TRAPPC9: variants seen among roughly 807,000 people sequenced by gnomAD.
TRAPPC9 encodes the protein trafficking protein particle complex subunit 9.
A neutral mutation model predicts 124.0 loss-of-function variants in TRAPPC9; 83 were observed. The ratio of observed to expected loss-of-function variants is 0.67; its 90% confidence interval spans 0.56 to 0.80. The LOEUF is 0.80. Ranked by LOEUF, TRAPPC9 falls within the 30% of genes least tolerant of loss-of-function variation. The pLI is 0.00. For synonymous variants in TRAPPC9, 638 were observed against 617.5 expected, an observed-to-expected ratio of 1.03 and a Z score of -0.49; for missense variants, 1,302 against 1,508.3, an observed-to-expected ratio of 0.86 and a Z score of 2.27.
intron 21 of TRAPPC9, among the ~76,000 whole-genome samples, chr8:139,807,608 C>A (rs150858284): frequency 9.2e-5 from 14 of 152,290 alleles, no homozygotes; most frequent in African/African-American, 3.1e-4. Flanking sequence ...GGAGGCACTG[C>A]GGACGAAAGT....
At chr8:139,832,325 T>G (rs1449507658) in intron 21 of TRAPPC9, among the ~76,000 whole-genome samples, 1 of 152,260 alleles carries the variant, frequency 6.6e-6, no homozygotes, top group African/African-American at 2.4e-5. Context: ...CTGCTTTTAA[T>G]ACTCGAAATC....
chr8:139,908,334 G>A (rs1206958242), intron 20 of TRAPPC9, among the ~76,000 whole-genome samples: 1 of 152,178 alleles, frequency 6.6e-6, no homozygotes, highest in Non-Finnish European at 1.5e-5. Context: ...GCTCTGCATG[G>A]GGCGCCCGGC....
chr8:139,945,979 C>A (rs958788580), intron 19 of TRAPPC9, among the ~76,000 whole-genome samples: 9 of 152,336 alleles, frequency 5.9e-5, no homozygotes, highest in Middle Eastern at 3.4e-3. Flanking sequence ...CTAGATTTAA[C>A]TTTGCTGTAT....
intron 17 of TRAPPC9, among the ~76,000 whole-genome samples, chr8:140,106,503 C>T (rs142816698): frequency 3.1e-3 from 466 of 152,256 alleles, no homozygotes; most frequent in African/African-American, 0.011. Context: ...GTGGATGTCA[C>T]GGCCTATGGG....
intron 21 of TRAPPC9, among the ~76,000 whole-genome samples, chr8:139,766,877 T>C (rs1284920240): frequency 2.0e-5 from 3 of 152,262 alleles, no homozygotes; most frequent in Non-Finnish European, 2.9e-5. Context: ...CCTGAGGGAA[T>C]TGCTGTCTTG....
intron 8 of TRAPPC9, among the ~76,000 whole-genome samples, chr8:140,361,860 G>A (rs577950452): frequency 4.6e-5 from 7 of 152,254 alleles, no homozygotes; most frequent in African/African-American, 7.2e-5. Flanking sequence ...GCTGACTGGC[G>A]AGCAAACAGA....
intron 17 of TRAPPC9, among the ~76,000 whole-genome samples, chr8:140,148,086 C>T (rs1335101362): frequency 1.3e-5 from 2 of 152,234 alleles, no homozygotes; most frequent in East Asian, 1.9e-4. Context: ...GCCTGTGCTC[C>T]GTGCTCCCTT....
At chr8:139,897,788 G>A (rs141018030) in intron 20 of TRAPPC9, among the ~76,000 whole-genome samples, 295 of 152,328 alleles carry the variant, frequency 1.9e-3, no homozygotes, top group Non-Finnish European at 3.6e-3. Flanking sequence ...CCATGAATCC[G>A]TGTTTCCAGC....
At chr8:140,359,564 C>T (rs897990675) in intron 9 of TRAPPC9, among the ~76,000 whole-genome samples, 2 of 152,094 alleles carry the variant, frequency 1.3e-5, no homozygotes, top group Non-Finnish European at 2.9e-5. Context: ...GATGGAGTTA[C>T]CCAGTGACTC....
chr8:139,846,731 A>T (rs925294711), intron 21 of TRAPPC9, among the ~76,000 whole-genome samples: 8 of 152,180 alleles, frequency 5.3e-5, no homozygotes, highest in Non-Finnish European at 7.4e-5. Context: ...TTGGGCATGG[A>T]GGAGGCCCAT....
chr8:139,974,997 A>G (rs755145306), intron 19 of TRAPPC9, among the ~76,000 whole-genome samples: 12 of 152,096 alleles, frequency 7.9e-5, no homozygotes, highest in Non-Finnish European at 1.0e-4. Flanking sequence ...CTCCCCCAGC[A>G]CTGCACCCCA....
chr8:140,244,910 G>A (rs111313460), intron 16 of TRAPPC9, among the ~76,000 whole-genome samples: 3,810 of 145,270 alleles, frequency 0.026, 69 homozygotes, highest in African/African-American at 0.051. Flanking sequence ...GGGTTCAAGC[G>A]ATTATCCTGC....
intron 17 of TRAPPC9, 144 bp downstream of exon 17, chr8:140,221,315 T>C (rs1412241295): frequency 3.9e-6 from 5 of 1,285,270 alleles, no homozygotes; most frequent in African/African-American, 1.5e-5. Flanking sequence ...CAAAACATTG[T>C]CCAAGAACAA....
chr8:140,031,503 C>T (rs1308188725), intron 17 of TRAPPC9, among the ~76,000 whole-genome samples: 1 of 152,208 alleles, frequency 6.6e-6, no homozygotes, highest in Non-Finnish European at 1.5e-5. Flanking sequence ...GAACCTGTCA[C>T]CACGGATTTC....
rs971515030 is a variant in TRAPPC9, at chr8:140,216,445, T to C, written c.2556+5014A>G. ...TCTCCTAGATTTTGAAATGTTACCC[T>C]AAACTGTAAGAGCCTATCCTGTGAG... On this transcript the variant is annotated intron_variant, in intron 17 of 22. Transcript: ENST00000438773. The surrounding 1 kb of genome is among the most constrained non-coding windows in gnomAD (Gnocchi z 4.1). 6.6e-6 allele frequency among the ~76,000 whole-genome samples: 1 copy of C among 152,180 alleles called. No individual in the cohort carries two copies. Among genetic ancestry groups the C allele is most frequent in the Admixed American group, 6.5e-5 (1 of 15,274 alleles).
intron 17 of TRAPPC9, among the ~76,000 whole-genome samples, chr8:140,218,970 GAA>G (rs34324967): frequency 4.1e-5 from 6 of 147,246 alleles, no homozygotes; most frequent in Non-Finnish European, 7.5e-5. Context: ...CAAATTAAAA[GAA>G]AAAAAAAAAC....
intron 9 of TRAPPC9, among the ~76,000 whole-genome samples, chr8:140,350,020 T>G (rs112447229): frequency 3.3e-5 from 5 of 152,132 alleles, no homozygotes; most frequent in African/African-American, 1.2e-4. Context: ...TCTAAAAACG[T>G]CTTCACAATC....
Position 140,069,688 on chromosome 8 carries a change from A to T in TRAPPC9, c.2557-45609T>A, listed in dbSNP as rs181539292. Among the ~76,000 whole-genome samples, 423 of 152,296 alleles carry T rather than the reference A, an allele frequency of 2.8e-3. 1 individual carries two copies. Among genetic ancestry groups the T allele is most frequent in the South Asian group, 7.3e-3 (35 of 4,824 alleles). ...GTTCTCTAGAGGACCAATCAGACACAGTGTGTGTGCACATGAGACATGAGA... is the reference window on the plus strand; with the variant it reads ...GTTCTCTAGAGGACCAATCAGACACTGTGTGTGTGCACATGAGACATGAGA... On this transcript the variant is annotated intron_variant, in intron 17 of 22. Transcript: ENST00000438773.
chr8:140,005,615 G>C (rs1442440595), intron 18 of TRAPPC9, among the ~76,000 whole-genome samples: 1 of 152,112 alleles, frequency 6.6e-6, no homozygotes, highest in Non-Finnish European at 1.5e-5. Flanking sequence ...CTTCCTCACA[G>C]GAGTGAGGAA....
Sources: allele counts gnomAD v4.1 joint callset (sites outside exome capture counted in the v4.1 genomes callset), GRCh38; gene constraint gnomAD v4.1.1; non-coding constraint Gnocchi (gnomAD v3.1); transcripts MANE v1.5; gene names NCBI Gene and HGNC (gene_info 2026-07-23, HGNC 2026-07-21).